The following LAMA1 variants were observed in gnomAD, a reference collection of about 807,000 sequenced individuals.
LAMA1 encodes laminin subunit alpha-1.
In LAMA1, 219 loss-of-function variants were observed where a neutral mutation model predicts 348.7. The ratio of observed to expected loss-of-function variants is 0.63; its 90% CI spans 0.56 to 0.70. The LOEUF (loss-of-function observed/expected upper bound fraction) is 0.70, where lower values mean the gene tolerates loss of function less well. LAMA1 is among the 30% of genes least tolerant of loss of function. LAMA1 has a pLI of 0.00. For synonymous variants in LAMA1, 1,487 were observed against 1,491.0 expected, an observed-to-expected ratio of 1.00 and a Z score of 0.06; for missense variants, 3,744 against 3,888.0, an observed-to-expected ratio of 0.96 and a Z score of 0.99.
intron 1 of LAMA1, among the ~76,000 whole-genome samples, chr18:7,097,727 T>G (rs1470472739): frequency 6.6e-6 from 1 of 152,218 alleles, no homozygotes; most frequent in Non-Finnish European, 1.5e-5. Flanking sequence ...ATACTTATTT[T>G]TATGGTCATT....
rs754529822 is a variant in LAMA1, at chr18:6,948,513, T to C, written c.8600A>G (p.Asn2867Ser). 1.2e-6 allele frequency: 2 copies of C among 1,614,196 alleles called. No homozygotes were observed. The highest frequency in any genetic ancestry group is 8.5e-7 in the Non-Finnish European group (1 of 1,180,042). Residue 2867 changes from asparagine to serine, a missense_variant, in exon 60 of 63, where the codon AAC becomes AGC. Asn to Ser is a conservative substitution (Grantham distance 46, BLOSUM62 1). Coordinates refer to ENST00000389658, the MANE Select transcript of LAMA1 (RefSeq NM_005559.4). Reference sequence around the variant, plus strand: ...GCTGTCCTTGTCCAGCTGTTTGCTGTTAACCGTCACATCCCCAATGCAGGC... The same window carrying C: ...GCTGTCCTTGTCCAGCTGTTTGCTGCTAACCGTCACATCCCCAATGCAGGC... ...IPACIGDVTV[N>S]SKQLDKDSPV...
At chr18:7,025,526 A>C (rs1338777246) in intron 17 of LAMA1, among the ~76,000 whole-genome samples, 5 of 152,052 alleles carry the variant, frequency 3.3e-5, no homozygotes, top group Non-Finnish European at 7.3e-5. Context: ...AAAACTCAGG[A>C]CACAGTAGGC....
At chr18:7,099,486 A>C (rs937766020) in intron 1 of LAMA1, among the ~76,000 whole-genome samples, 14 of 138,338 alleles carry the variant, frequency 1.0e-4, no homozygotes, top group South Asian at 2.4e-4. Flanking sequence ...AAATTTAAAA[A>C]AAAACAAAAA....
chr18:7,021,919 A>G (rs2057919713), intron 19 of LAMA1, among the ~76,000 whole-genome samples: 1 of 149,556 alleles, frequency 6.7e-6, no homozygotes, highest in Admixed American at 6.7e-5. Flanking sequence ...AATAGCTGCC[A>G]TTTATTTCAT....
At chr18:7,026,857 C>T (rs538640382) in intron 16 of LAMA1, among the ~76,000 whole-genome samples, 6 of 151,996 alleles carry the variant, frequency 3.9e-5, no homozygotes, top group African/African-American at 1.4e-4. Context: ...ATTAGCTGGG[C>T]TTGGTGGCGG....
Position 6,995,359 on chromosome 18 carries a change from T to C in LAMA1, c.4894A>G (p.Lys1632Glu), listed in dbSNP as rs11872364. ...VAEETDNLQK[K>E]LTRMLASTQK... is the part of the protein sequence containing the mutation. ...GGTTGGTTATGGAAAGAATTTACCTTCTTTTGCAGGTTGTCCGTTTCTTCT... is the reference window on the plus strand; with the variant it reads ...GGTTGGTTATGGAAAGAATTTACCTCCTTTTGCAGGTTGTCCGTTTCTTCT... The change falls in exon 34 of 63, where the codon AAG becomes GAG. Residue 1632 changes from lysine to glutamate, a missense_variant and splice_region_variant. Around this residue, in one of 3 missense-constraint regions of LAMA1, gnomAD observed 1,983 missense variants for 1,934.3 expected, o/e 1.03. Coordinates refer to ENST00000389658, the MANE Select transcript of LAMA1 (RefSeq NM_005559.4). The C allele has an allele frequency of 2.2e-3, 3,520 of 1,610,626 alleles. 66 individuals carry two copies. The African/African-American group carries it at 0.039, about 18-fold the overall frequency.
At chr18:7,043,201 C>G (rs1185372505) in intron 8 of LAMA1, 26 bp downstream of exon 8, 4 of 1,612,228 alleles carry the variant, frequency 2.5e-6, no homozygotes, top group South Asian at 1.1e-5. Flanking sequence ...TGATGAAGAT[C>G]AGCAATGGCA....
At chr18:7,094,426 C>CAAAAA (rs1194222301) in intron 1 of LAMA1, among the ~76,000 whole-genome samples, 2 of 63,410 alleles carry the variant, frequency 3.2e-5, no homozygotes, top group Non-Finnish European at 7.5e-5. Flanking sequence ...GACTCCGTCT[C>CAAAAA]AAAAAAAAAA....
chr18:7,099,698 A>T (rs1235621199), intron 1 of LAMA1, among the ~76,000 whole-genome samples: 1 of 151,884 alleles, frequency 6.6e-6, no homozygotes, highest in Non-Finnish European at 1.5e-5. Flanking sequence ...TCATCAAAAC[A>T]AACATAAAAA....
At chr18:6,943,704 A>C (rs934769491) in intron 61 of LAMA1, among the ~76,000 whole-genome samples, 7 of 151,870 alleles carry the variant, frequency 4.6e-5, no homozygotes, top group African/African-American at 1.7e-4. Flanking sequence ...CAAAAAAATT[A>C]GCTAGGCGCA....
In LAMA1 at chr18:7,008,512, A is replaced by C. The variant is rs764966789; in HGVS notation, c.4098T>G (p.Pro1366=). The C allele has an allele frequency of 1.2e-6, 2 of 1,614,114 alleles. No individual in the cohort carries two copies. The highest frequency in any genetic ancestry group is 1.1e-5 in the South Asian group (1 of 91,084). ...ASLLENCVCP[P]GTVGFSCQDC... is the part of the protein sequence containing the mutation. ...CCTGACATGAGAATCCCACAGTGCCAGGAGGACAGACACAATTCTCTAAAA... is the reference window on the plus strand; with the variant it reads ...CCTGACATGAGAATCCCACAGTGCCCGGAGGACAGACACAATTCTCTAAAA... The change falls in exon 28 of 63, where the codon CCT becomes CCG. Residue 1366 remains proline, a synonymous_variant. Transcript: ENST00000389658.
intron 58 of LAMA1, among the ~76,000 whole-genome samples, chr18:6,949,945 T>C (rs2143973080): frequency 6.6e-6 from 1 of 152,342 alleles, no homozygotes; most frequent in Admixed American, 6.5e-5. Context: ...TACTTTGCCC[T>C]TTTAAACTAC....
In LAMA1 at chr18:6,974,890, C is replaced by G. The variant is rs370799832; in HGVS notation, c.6623+13G>C. 1.2e-5 allele frequency: 20 copies of G among 1,613,918 alleles called. No homozygotes were observed. In the African/African-American group the frequency reaches 2.4e-4, roughly 19 times the overall value. Reference sequence around the variant, plus strand: ...AAAAAAGAGAGCTGCTTTGAGAGAACATTCTCTTCTACCTGGCTACATGGA... The same window carrying G: ...AAAAAAGAGAGCTGCTTTGAGAGAAGATTCTCTTCTACCTGGCTACATGGA... On this transcript the variant is annotated intron_variant, in intron 46 of 62. Transcript: ENST00000389658.
chr18:6,987,281 G>A (rs1450494198), intron 36 of LAMA1, among the ~76,000 whole-genome samples: 1 of 152,152 alleles, frequency 6.6e-6, no homozygotes, highest in East Asian at 1.9e-4. Context: ...GATGGGAACT[G>A]CAATCTTTCA....
At chr18:6,976,898 C>A (rs777174819) in intron 44 of LAMA1, among the ~76,000 whole-genome samples, 6 of 152,150 alleles carry the variant, frequency 3.9e-5, no homozygotes, top group Non-Finnish European at 8.8e-5. Flanking sequence ...GTGTGAGCTA[C>A]CAGGCCCAGC....
intron 61 of LAMA1, among the ~76,000 whole-genome samples, chr18:6,945,336 ATC>A (rs1463876420): frequency 6.6e-6 from 1 of 152,192 alleles, no homozygotes; most frequent in African/African-American, 2.4e-5. Context: ...TTTGTCATGA[ATC>A]GGAAAAGAGG....
intron 42 of LAMA1, among the ~76,000 whole-genome samples, chr18:6,978,758 T>C (rs2057695089): frequency 6.6e-6 from 1 of 152,240 alleles, no homozygotes; most frequent in South Asian, 2.1e-4. Flanking sequence ...TTTGGGTCCT[T>C]TTCCATCACT....
At chr18:6,953,691 T>A (rs149825645) in intron 57 of LAMA1, 19 of 152,310 alleles carry the variant, frequency 1.2e-4, no homozygotes, top group African/African-American at 4.6e-4. Flanking sequence ...ATAATAACAA[T>A]TCCTTCCTCA....
chr18:7,023,199 A>G lies in LAMA1; in HGVS notation c.2666T>C (p.Phe889Ser), dbSNP rs747708517. ...GAHCERCADG[F>S]YGDAVTAKNC... The stretch of plus-strand genomic sequence containing the variant: ...CTTGGCTGTCACAGCGTCCCCATAG[A>G]ACCCGTCAGCACACCTTTCACAGTG... The change falls in exon 19 of 63, where the codon TTC becomes TCC. Residue 889 changes from phenylalanine (F) to serine (S), a missense_variant. Phe to Ser is a radical substitution (Grantham distance 155, BLOSUM62 -2). This residue lies in a region of LAMA1 where 1,529 missense variants were observed against 1,689.4 expected (regional missense o/e 0.91). Coordinates refer to ENST00000389658, the MANE Select transcript of LAMA1 (RefSeq NM_005559.4). 6.2e-7 allele frequency: 1 copy of G among 1,613,272 alleles called. No homozygotes were observed. The highest frequency in any genetic ancestry group is 1.7e-5 in the Admixed American group (1 of 59,980).
Sources: gnomAD v4.1 joint callset for allele counts (sites outside exome capture counted in the v4.1 genomes callset) on GRCh38, gnomAD v4.1.1 for gene constraint, gnomAD v4.1.1 regional missense constraint, MANE v1.5 for transcripts, NCBI Gene and HGNC (gene_info 2026-07-23, HGNC 2026-07-21) for gene names.